IGFL2: variants seen among roughly 807,000 people sequenced by gnomAD.
IGFL2 encodes the protein insulin growth factor-like family member 2.
In IGFL2, 7 loss-of-function variants were observed where a neutral mutation model predicts 13.9. The ratio of observed to expected loss-of-function variants is 0.51; its 90% CI spans 0.29 to 0.95. IGFL2 has a LOEUF of 0.95. Among genes scored for constraint, IGFL2 ranks in the 40% least tolerant of loss-of-function variants. The probability of loss-of-function intolerance (pLI) is 0.08; values close to 1 mark genes in which losing one functional copy is unlikely to be tolerated. For synonymous variants in IGFL2, 55 were observed against 55.8 expected (o/e 0.99, Z 0.07); for missense variants, 138 against 147.8 (o/e 0.93, Z 0.34).
chr19:46,201,826 A>G, the IGFL2 span, among the ~76,000 whole-genome samples: 1 of 152,154 alleles, frequency 6.6e-6, no homozygotes, highest in East Asian at 1.9e-4. Flanking sequence ...TAGTCAGGGT[A>G]GTGGATAATT....
chr19:46,161,316 T>TTA (rs1974156541), downstream of IGFL2: 17 of 412,794 alleles, frequency 4.1e-5, no homozygotes, highest in South Asian at 7.1e-5. Context: ...GTCGTCTCCT[T>TTA]TCTTTTTTTT....
chr19:46,183,464 A>ACCC, the IGFL2 span, among the ~76,000 whole-genome samples: 4 of 145,104 alleles, frequency 2.8e-5, no homozygotes, highest in Non-Finnish European at 6.0e-5. Context: ...GCCTCAGCCT[A>ACCC]CCCCTCCCAG....
chr19:46,091,084 T>C, the IGFL2 span, among the ~76,000 whole-genome samples: 6 of 152,234 alleles, frequency 3.9e-5, no homozygotes, highest in Non-Finnish European at 7.3e-5. Flanking sequence ...GGTACTGTGA[T>C]CTCTCACCTG....
intron 1 of IGFL2, among the ~76,000 whole-genome samples, chr19:46,152,094 C>T (rs1468679138): frequency 6.6e-6 from 1 of 152,046 alleles, no homozygotes; most frequent in African/African-American, 2.4e-5. Context: ...CTCTTCTGTT[C>T]AATTTATTCA....
chr19:46,120,340 A>G, the IGFL2 span: 2 of 1,611,240 alleles, frequency 1.2e-6, no homozygotes, highest in Middle Eastern at 1.7e-4. Flanking sequence ...TTATGGGTAC[A>G]GGACGTGCCT....
chr19:46,084,867 C>A, the IGFL2 span, among the ~76,000 whole-genome samples: 2 of 152,344 alleles, frequency 1.3e-5, no homozygotes, highest in African/African-American at 4.8e-5. Flanking sequence ...CCACCCCTGT[C>A]TCCACATCTC....
At chr19:46,193,081 A>G in the IGFL2 span, among the ~76,000 whole-genome samples, 1 of 152,086 alleles carries the variant, frequency 6.6e-6, no homozygotes, top group African/African-American at 2.4e-5. Flanking sequence ...GATCCCAGCT[A>G]CTTGGGAGGC....
chr19:46,115,901 C>G, the IGFL2 span, among the ~76,000 whole-genome samples: 2 of 152,078 alleles, frequency 1.3e-5, no homozygotes, highest in Admixed American at 1.3e-4. Context: ...CCAGTTCTGC[C>G]CATCTCAGGT....
At chr19:46,204,676 T>C in the IGFL2 span, 1 of 152,246 alleles carries the variant, frequency 6.6e-6, no homozygotes, top group South Asian at 2.1e-4. Context: ...TATGGGGTTT[T>C]AGCAGCTCCT....
chr19:46,149,156 C>G, intron 1 of IGFL2: 1 of 699,158 alleles, frequency 1.4e-6, no homozygotes, highest in South Asian at 1.6e-5. Context: ...CTCTCCCTCT[C>G]TCTCTTCTCT....
the IGFL2 span, among the ~76,000 whole-genome samples, chr19:46,215,121 A>G: frequency 6.6e-6 from 1 of 152,200 alleles, no homozygotes; most frequent in African/African-American, 2.4e-5. Context: ...CCTAGGAGTC[A>G]CTTGATTAAA....
the IGFL2 span, among the ~76,000 whole-genome samples, chr19:46,181,494 T>A: frequency 1.8e-3 from 279 of 152,238 alleles, no homozygotes; most frequent in Non-Finnish European, 3.0e-3. Context: ...CTTCCCCAAC[T>A]ACCTCTGTAG....
At chr19:46,176,061 G>A in the IGFL2 span, among the ~76,000 whole-genome samples, 1 of 127,524 alleles carries the variant, frequency 7.8e-6, no homozygotes. Flanking sequence ...CACCACGTTG[G>A]TCAGGCTGGT....
At chr19:46,199,296 G>C in the IGFL2 span, among the ~76,000 whole-genome samples, 7 of 152,198 alleles carry the variant, frequency 4.6e-5, no homozygotes, top group Non-Finnish European at 8.8e-5. Context: ...GCCCTTACTT[G>C]TCAGAAAAAC....
At chr19:46,169,590 TTAAA>T in the IGFL2 span, among the ~76,000 whole-genome samples, 72 of 152,044 alleles carry the variant, frequency 4.7e-4, no homozygotes, top group Admixed American at 1.8e-3. Flanking sequence ...ATGCCTTTAT[TTAAA>T]TAAAGTACTT....
chr19:46,152,666 ATCT>A (rs1481669561), intron 1 of IGFL2, among the ~76,000 whole-genome samples: 1 of 152,204 alleles, frequency 6.6e-6, no homozygotes, highest in African/African-American at 2.4e-5. Context: ...AATTCATTTT[ATCT>A]TCTTGCCTAA....
At chr19:46,191,307 T>G in the IGFL2 span, among the ~76,000 whole-genome samples, 1 of 152,084 alleles carries the variant, frequency 6.6e-6, no homozygotes, top group Non-Finnish European at 1.5e-5. Context: ...GGGAGGCCGA[T>G]GTAGACTCCA....
At chr19:46,110,509 T>A in the IGFL2 span, among the ~76,000 whole-genome samples, 17 of 152,224 alleles carry the variant, frequency 1.1e-4, no homozygotes, top group Non-Finnish European at 7.3e-5. Context: ...TTCATATCAG[T>A]GGCAGCAATT....
At chr19:46,214,057 C>T in the IGFL2 span, 1 of 152,664 alleles carries the variant, frequency 6.6e-6, no homozygotes, top group Non-Finnish European at 1.5e-5. Context: ...AACCCGGAAT[C>T]CTCATGTGTC....
Sources: allele counts gnomAD v4.1 joint callset (sites outside exome capture counted in the v4.1 genomes callset), GRCh38; gene constraint gnomAD v4.1.1; transcripts MANE v1.5; gene names NCBI Gene and HGNC (gene_info 2026-07-23, HGNC 2026-07-21).